The following MACROH2A1 variants were observed in gnomAD, a reference collection of about 807,000 sequenced individuals.
The protein encoded by MACROH2A1 is macroH2A.1 histone.
A neutral mutation model predicts 31.6 loss-of-function variants in MACROH2A1; 2 were observed. The observed-to-expected ratio is 0.06, with a 90% CI of 0.03 to 0.20. The LOEUF is 0.20. Ranked by LOEUF, MACROH2A1 falls within the 10% of genes least tolerant of loss-of-function variation. MACROH2A1 has a pLI of 1.00. For synonymous variants in MACROH2A1, 169 were observed against 189.6 expected, an observed-to-expected ratio of 0.89 and a Z score of 0.89; for missense variants, 230 against 474.0, an observed-to-expected ratio of 0.49 and a Z score of 4.78.
At chr5:135,344,765 A>G (rs2149741886) in intron 7 of MACROH2A1, 1 of 152,390 alleles carries the variant, frequency 6.6e-6, no homozygotes, top group Non-Finnish European at 1.5e-5. Flanking sequence ...AATCAAGAAC[A>G]AAAGTGTTAT....
chr5:135,354,752 G>T, intron 5 of MACROH2A1: 1 of 304,738 alleles, frequency 3.3e-6, no homozygotes. Context: ...GAACTCTCAG[G>T]ATTTAGAACA....
chr5:135,354,405 A>G (rs1324712075), intron 5 of MACROH2A1: 6 of 152,346 alleles, frequency 3.9e-5, no homozygotes, highest in Non-Finnish European at 8.8e-5. Context: ...CAGTTGTGGA[A>G]TTAAGTTTTG....
intron 1 of MACROH2A1, among the ~76,000 whole-genome samples, chr5:135,397,292 G>T (rs1342526426): frequency 6.6e-6 from 1 of 152,140 alleles, no homozygotes; most frequent in African/African-American, 2.4e-5. Flanking sequence ...GGGACCAGAA[G>T]AAACATCAGA....
At chr5:135,372,901 G>A (rs575061829) in intron 2 of MACROH2A1, among the ~76,000 whole-genome samples, 6 of 152,168 alleles carry the variant, frequency 3.9e-5, no homozygotes, top group African/African-American at 7.2e-5. Context: ...AGGCCACAAC[G>A]AAGTTTTGGG....
intron 4 of MACROH2A1, 102 bp from the exon 5 acceptor site, chr5:135,360,709 G>A: frequency 1.2e-6 from 1 of 819,550 alleles, no homozygotes; most frequent in East Asian, 2.5e-5. Context: ...GGGGAAACAG[G>A]AAACTAAACC....
chr5:135,343,233 C>T lies in MACROH2A1; in HGVS notation c.953+27G>A, dbSNP rs369834767. ...GTGCGCAGAGAGACACACCCATGAC[C>T]GATACGTAACAAGCATGTGCCCCTA... On this transcript the variant is annotated intron_variant, in intron 8 of 8. Transcript: ENST00000511689. The T allele has an allele frequency of 6.0e-5, 97 of 1,612,656 alleles. No individual in the cohort carries two copies. In the African/African-American group the frequency reaches 1.0e-3, roughly 17 times the overall value.
intron 6 of MACROH2A1, among the ~76,000 whole-genome samples, chr5:135,350,502 T>C (rs895937314): frequency 6.6e-6 from 1 of 152,164 alleles, no homozygotes; most frequent in Non-Finnish European, 1.5e-5. Context: ...TGTGCCTGTA[T>C]TGTTCCTGCA....
intron 7 of MACROH2A1, 148 bp from the exon 8 acceptor site, chr5:135,343,582 C>T (rs1760303787): frequency 1.9e-5 from 23 of 1,241,050 alleles, no homozygotes; most frequent in South Asian, 1.2e-4. Flanking sequence ...CTGTCTGCTG[C>T]GTTGTGATTC....
At chr5:135,349,812 C>T (rs1761296831) in intron 6 of MACROH2A1, among the ~76,000 whole-genome samples, 1 of 152,192 alleles carries the variant, frequency 6.6e-6, no homozygotes, top group South Asian at 2.1e-4. Flanking sequence ...ACAGCAGGCA[C>T]CAATCATGAG....
intron 2 of MACROH2A1, among the ~76,000 whole-genome samples, chr5:135,387,303 C>A (rs570868359): frequency 7.2e-5 from 11 of 152,312 alleles, no homozygotes; most frequent in Admixed American, 4.6e-4. Flanking sequence ...AGTCAGAAGT[C>A]CCAAAATATG....
At chr5:135,373,578 T>G (rs941369397) in intron 2 of MACROH2A1, among the ~76,000 whole-genome samples, 2 of 152,206 alleles carry the variant, frequency 1.3e-5, no homozygotes, top group African/African-American at 4.8e-5. Flanking sequence ...GATGCCACAC[T>G]GGACCAACCT....
chr5:135,396,086 G>A (rs886553846), intron 1 of MACROH2A1, among the ~76,000 whole-genome samples: 3 of 152,144 alleles, frequency 2.0e-5, no homozygotes, highest in African/African-American at 7.2e-5. Flanking sequence ...TGCGCTTCCC[G>A]AGATGCACTG....
intron 8 of MACROH2A1, among the ~76,000 whole-genome samples, chr5:135,341,298 C>T (rs1252986118): frequency 6.6e-6 from 1 of 152,228 alleles, no homozygotes; most frequent in Non-Finnish European, 1.5e-5. Context: ...AGGGGCCTCA[C>T]TCACAGAACC....
At position 135,398,179 on chromosome 5, in the gene MACROH2A1, G is replaced by C. The variant is rs1223612843; in HGVS notation, c.-34+883C>G. Reference sequence around the variant, plus strand: ...AGCAATGTACTGACCAACTCCTTGAGTGATCTGTGGCCCCTGCAGGAGTGG... The same window carrying C: ...AGCAATGTACTGACCAACTCCTTGACTGATCTGTGGCCCCTGCAGGAGTGG... On this transcript the variant is annotated intron_variant, in intron 1 of 8. Coordinates refer to ENST00000511689, the MANE Select transcript of MACROH2A1 (RefSeq NM_138610.3). The surrounding 1 kb of genome is among the most constrained non-coding windows in gnomAD (Gnocchi z 4.6). Among the ~76,000 whole-genome samples, 2 of 152,126 alleles carry C rather than the reference G, an allele frequency of 1.3e-5. No homozygotes were observed. The highest frequency in any genetic ancestry group is 2.9e-5 in the Non-Finnish European group (2 of 68,022).
intron 4 of MACROH2A1, among the ~76,000 whole-genome samples, chr5:135,366,312 G>C (rs941520136): frequency 6.6e-6 from 1 of 152,198 alleles, no homozygotes; most frequent in African/African-American, 2.4e-5. Flanking sequence ...CACTAAAGCA[G>C]CTCTACATGC....
intron 1 of MACROH2A1, among the ~76,000 whole-genome samples, chr5:135,395,167 G>A (rs928121111): frequency 3.3e-5 from 5 of 152,108 alleles, no homozygotes; most frequent in Admixed American, 6.5e-5. Flanking sequence ...TCCTGCCTCT[G>A]GCTCAGTACC....
chr5:135,346,919 T>C (rs1213421690), intron 6 of MACROH2A1: 1 of 152,232 alleles, frequency 6.6e-6, no homozygotes, highest in African/African-American at 2.4e-5. Context: ...TCTGGGTTGA[T>C]GCTCATGTGG....
chr5:135,365,154 T>G (rs549514368), intron 4 of MACROH2A1, among the ~76,000 whole-genome samples: 16 of 152,230 alleles, frequency 1.1e-4, no homozygotes, highest in Non-Finnish European at 1.9e-4. Context: ...TAGTTTCCTT[T>G]GAATTTTAGG....
intron 5 of MACROH2A1, chr5:135,360,264 C>T (rs1228745608): frequency 1.2e-5 from 7 of 566,194 alleles, no homozygotes; most frequent in Non-Finnish European, 1.6e-5. Flanking sequence ...GCTGCCTGCC[C>T]TCTTCTTTTT....
Sources: allele counts gnomAD v4.1 joint callset (sites outside exome capture counted in the v4.1 genomes callset), GRCh38; gene constraint gnomAD v4.1.1; non-coding constraint Gnocchi (gnomAD v3.1); transcripts MANE v1.5; gene names NCBI Gene and HGNC (gene_info 2026-07-23, HGNC 2026-07-21).